Variants in KIAA0825 observed in about 807,000 individuals in gnomAD.
The protein encoded by KIAA0825 is uncharacterized protein KIAA0825.
A neutral mutation model predicts 147.6 loss-of-function variants in KIAA0825; 119 were observed. The observed-to-expected ratio is 0.81, with a 90% CI of 0.69 to 0.94. The LOEUF (loss-of-function observed/expected upper bound fraction) is 0.94, where lower values mean the gene tolerates loss of function less well. KIAA0825 is among the 40% of genes least tolerant of loss of function. The probability of loss-of-function intolerance (pLI) is 0.00; values close to 1 mark genes in which losing one functional copy is unlikely to be tolerated. For missense variants in KIAA0825, 1,381 were observed against 1,472.7 expected (o/e 0.94, Z 1.02); for synonymous variants, 470 against 518.1 (o/e 0.91, Z 1.26).
intron 1 of KIAA0825, among the ~76,000 whole-genome samples, chr5:94,584,320 A>G (rs776976823): frequency 2.0e-4 from 30 of 152,238 alleles, no homozygotes; most frequent in Middle Eastern, 6.3e-3. Context: ...GCTAACTACA[A>G]TAACCAGTGT....
intron 20 of KIAA0825, among the ~76,000 whole-genome samples, chr5:94,243,418 T>C (rs1212127227): frequency 6.6e-6 from 1 of 152,190 alleles, no homozygotes; most frequent in Non-Finnish European, 1.5e-5. Flanking sequence ...TTTGCTAGCT[T>C]TGTTTAAGTG....
chr5:94,223,392 C>G (rs975534104), intron 20 of KIAA0825, among the ~76,000 whole-genome samples: 1 of 152,106 alleles, frequency 6.6e-6, no homozygotes, highest in South Asian at 2.1e-4. Flanking sequence ...GTATACCTCA[C>G]GTAGACTATA....
At chr5:94,606,957 A>G (rs377444148) in intron 1 of KIAA0825, among the ~76,000 whole-genome samples, 1 of 152,108 alleles carries the variant, frequency 6.6e-6, no homozygotes, top group Non-Finnish European at 1.5e-5. Context: ...ACCAGCTCTC[A>G]AGTGAATTCA....
At chr5:94,186,191 TTTAAGAG>T in intron 20 of KIAA0825, among the ~76,000 whole-genome samples, 1 of 152,220 alleles carries the variant, frequency 6.6e-6, no homozygotes, top group Non-Finnish European at 1.5e-5. Context: ...AGACTTTTAG[TTTAAGAG>T]TTATGTGTAT....
intron 20 of KIAA0825, among the ~76,000 whole-genome samples, chr5:94,264,913 G>C (rs901249486): frequency 1.3e-5 from 2 of 151,310 alleles, no homozygotes; most frequent in Admixed American, 1.3e-4. Flanking sequence ...CACCTGACTT[G>C]CTGGGATTAC....
At chr5:94,342,217 G>A (rs1782478042) in intron 20 of KIAA0825, among the ~76,000 whole-genome samples, 1 of 151,696 alleles carries the variant, frequency 6.6e-6, no homozygotes, top group Admixed American at 6.6e-5. Context: ...AGAACAACCT[G>A]AAGGATTTGC....
intron 20 of KIAA0825, among the ~76,000 whole-genome samples, chr5:94,168,017 A>T (rs1209685585): frequency 6.7e-6 from 1 of 150,082 alleles, no homozygotes; most frequent in Non-Finnish European, 1.5e-5. Flanking sequence ...CCCGAAACCC[A>T]ATTTAATATA....
chr5:94,345,834 T>C (rs1027935863), intron 20 of KIAA0825, among the ~76,000 whole-genome samples: 2 of 151,878 alleles, frequency 1.3e-5, no homozygotes, highest in African/African-American at 2.4e-5. Flanking sequence ...GCTCTCCGAG[T>C]GAGCAATTCC....
intron 17 of KIAA0825, among the ~76,000 whole-genome samples, chr5:94,393,958 C>G (rs1324214890): frequency 6.6e-6 from 1 of 151,810 alleles, no homozygotes; most frequent in Non-Finnish European, 1.5e-5. Flanking sequence ...AAGCGATTCT[C>G]CTGTCTCAGC....
chr5:94,560,059 G>A (rs987666105), intron 2 of KIAA0825, among the ~76,000 whole-genome samples: 2 of 152,102 alleles, frequency 1.3e-5, no homozygotes, highest in Non-Finnish European at 2.9e-5. Context: ...TCTGAGGGCT[G>A]CTTCCTGTGA....
chr5:94,349,463 A>G (rs1406497166), intron 20 of KIAA0825, among the ~76,000 whole-genome samples: 2 of 152,234 alleles, frequency 1.3e-5, no homozygotes, highest in Non-Finnish European at 2.9e-5. Flanking sequence ...TATTTCATCC[A>G]GCAACCACAT....
chr5:94,506,508 T>C (rs778100285), intron 5 of KIAA0825, among the ~76,000 whole-genome samples: 3 of 152,220 alleles, frequency 2.0e-5, no homozygotes, highest in Non-Finnish European at 4.4e-5. Context: ...ATGGAAGTTT[T>C]TCACTTTTAC....
intron 5 of KIAA0825, chr5:94,519,536 A>G: frequency 1.6e-6 from 1 of 644,944 alleles, no homozygotes; most frequent in Non-Finnish European, 1.9e-6. Context: ...TAAAATAGAA[A>G]TTTTCAAATC....
At chr5:94,339,577 C>T (rs186865990) in intron 20 of KIAA0825, among the ~76,000 whole-genome samples, 16 of 152,292 alleles carry the variant, frequency 1.1e-4, no homozygotes, top group East Asian at 3.9e-4. Flanking sequence ...TCATTCAACA[C>T]GTATTTCTCC....
intron 20 of KIAA0825, among the ~76,000 whole-genome samples, chr5:94,373,434 T>C (rs1747040665): frequency 6.6e-6 from 1 of 151,942 alleles, no homozygotes; most frequent in Non-Finnish European, 1.5e-5. Flanking sequence ...GGAAAGAAAA[T>C]TTATAAAGGA....
chr5:94,204,148 A>G (rs1389409283), intron 20 of KIAA0825, among the ~76,000 whole-genome samples: 1 of 152,142 alleles, frequency 6.6e-6, no homozygotes, highest in Non-Finnish European at 1.5e-5. Context: ...TATTGGGGAA[A>G]TGGGAGTTAT....
At chr5:94,196,184 A>C (rs1006255458) in intron 20 of KIAA0825, among the ~76,000 whole-genome samples, 4 of 152,144 alleles carry the variant, frequency 2.6e-5, no homozygotes, top group African/African-American at 9.7e-5. Flanking sequence ...ATGAAGCTTC[A>C]CTTGCCCATT....
intron 2 of KIAA0825, among the ~76,000 whole-genome samples, chr5:94,556,778 A>G (rs564380635): frequency 7.2e-5 from 11 of 152,266 alleles, no homozygotes; most frequent in Middle Eastern, 6.8e-3. Flanking sequence ...AGTATCCCTT[A>G]CTGTCATATC....
chr5:94,555,678 C>A (rs1013062574), intron 2 of KIAA0825, among the ~76,000 whole-genome samples: 1 of 152,094 alleles, frequency 6.6e-6, no homozygotes, highest in Non-Finnish European at 1.5e-5. Flanking sequence ...CAATGCAGTT[C>A]TCTTTCTATA....
Sources: allele counts gnomAD v4.1 joint callset (sites outside exome capture counted in the v4.1 genomes callset), GRCh38; gene constraint gnomAD v4.1.1; transcripts MANE v1.5; gene names NCBI Gene and HGNC (gene_info 2026-07-23, HGNC 2026-07-21).